The following LAMP1 variants were observed in gnomAD, a reference collection of about 807,000 sequenced individuals.
LAMP1 encodes the protein lysosome-associated membrane glycoprotein 1.
LAMP1 carries 7 observed loss-of-function variants against 37.5 expected under a neutral mutation model. The observed-to-expected ratio is 0.19, with a 90% CI of 0.11 to 0.35. The LOEUF (loss-of-function observed/expected upper bound fraction) is 0.35. Among genes scored for constraint, LAMP1 ranks in the 10% least tolerant of loss-of-function variants. The pLI is 1.00. For missense variants in LAMP1, 537 were observed against 552.8 expected (o/e 0.97, Z 0.29); for synonymous variants, 236 against 229.1 (o/e 1.03, Z -0.27).
At position 113,306,834 on chromosome 13, in the gene LAMP1, C is replaced by CTTTTTTTTTTTTTTT. The variant is rs780041684; in HGVS notation, c.183+237_183+251dup. Among the ~76,000 whole-genome samples the CTTTTTTTTTTTTTTT allele has an allele frequency of 9.7e-4, 78 of 80,160 alleles. 16 individuals are homozygous for CTTTTTTTTTTTTTTT. The highest frequency in any genetic ancestry group is 2.9e-3 in the South Asian group (5 of 1,730). The allele number at this position is 80,160 out of a possible 152,430, so 52.6% of individuals were successfully genotyped here. A position where few individuals can be genotyped will look rare whatever the true frequency, so the allele number is the denominator to read the frequency against. ...CTCACTGTTCATCATGAACATTTTC[C>CTTTTTTTTTTTTTTT]TTTTTTTTTTTTTTTTTTTTTTTGA... is the stretch of plus-strand genomic sequence containing the variant. On this transcript the variant is annotated intron_variant, in intron 2 of 8. Transcript: ENST00000332556.
chr13:113,299,390 G>C (rs71446689), intron 1 of LAMP1, among the ~76,000 whole-genome samples: 2 of 148,348 alleles, frequency 1.3e-5, no homozygotes, highest in South Asian at 2.2e-4. Flanking sequence ...TCAGCTTCCT[G>C]AGTAGCTGGG....
rs539001957 is a variant in LAMP1, at chr13:113,299,009, G to A, written c.61+1514G>A. On this transcript the variant is annotated intron_variant, in intron 1 of 8. Transcript: ENST00000332556. ...ACAAAAATTAGCTGGGCATGGTGGC[G>A]CACGCCTGTAATCCCAGCTACTTGG... is the stretch of plus-strand genomic sequence containing the variant. Among the ~76,000 whole-genome samples the A allele has an allele frequency of 3.9e-5, 6 of 152,228 alleles. No homozygotes were observed. In the South Asian group the frequency reaches 1.2e-3, roughly 32 times the overall value.
At chr13:113,302,310 G>C (rs551370242) in intron 1 of LAMP1, among the ~76,000 whole-genome samples, 48 of 151,764 alleles carry the variant, frequency 3.2e-4, no homozygotes, top group African/African-American at 9.7e-4. Context: ...TCAGCCTCCC[G>C]AGTAGCTGAG....
intron 1 of LAMP1, among the ~76,000 whole-genome samples, chr13:113,304,178 A>G (rs2139358121): frequency 6.6e-6 from 1 of 152,390 alleles, no homozygotes; most frequent in South Asian, 2.1e-4. Flanking sequence ...GCTTCGGGTC[A>G]GTGAAAAGTG....
chr13:113,315,189 G>A (rs1209570038), intron 4 of LAMP1, among the ~76,000 whole-genome samples: 3 of 139,526 alleles, frequency 2.2e-5, no homozygotes, highest in African/African-American at 5.4e-5. Context: ...CCCGGAGGGA[G>A]TCAGTGTGGA....
At position 113,321,645 on chromosome 13, in the gene LAMP1, C is replaced by A. The variant is rs759344932; in HGVS notation, c.1032C>A (p.Val344=). The A allele has an allele frequency of 6.2e-7, 1 of 1,614,238 alleles. No homozygotes were observed. Residue 344 remains valine, a synonymous_variant, in exon 8 of 9, where the codon GTC becomes GTA. Transcript: ENST00000332556. This position sits in a 1 kb window ranked among gnomAD's most constrained non-coding sequence, Gnocchi z 5.6. The part of the protein sequence containing the change: ...NSYKCNAEEH[V]RVTKAFSVNI... ...ACAAGTGCAACGCGGAGGAGCACGTCCGTGTCACGAAGGCGTTTTCAGTCA... is the reference window on the plus strand; with the variant it reads ...ACAAGTGCAACGCGGAGGAGCACGTACGTGTCACGAAGGCGTTTTCAGTCA...
intron 1 of LAMP1, chr13:113,305,884 A>G (rs918691106): frequency 6.6e-6 from 1 of 152,362 alleles, no homozygotes; most frequent in African/African-American, 2.4e-5. Context: ...ATGATGCAGA[A>G]ATTGACATGT....
At chr13:113,306,351 C>G (rs1449444146) in intron 1 of LAMP1, 134 bp from the exon 2 acceptor site, 2 of 804,276 alleles carry the variant, frequency 2.5e-6, no homozygotes, top group Admixed American at 7.9e-5. Context: ...GAGACTCCGT[C>G]TCAAAAAAAA....
rs1349097091 is a variant in LAMP1, at chr13:113,321,964, A to G, written c.1114+237A>G. 1.7e-6 allele frequency: 1 copy of G among 593,048 alleles called. No homozygotes were observed. Among genetic ancestry groups the G allele is most frequent in the Non-Finnish European group, 3.0e-6 (1 of 336,412 alleles). The allele number at this position is 593,048 out of a possible 1,614,324, so 36.7% of individuals were successfully genotyped here. A position where few individuals can be genotyped will look rare whatever the true frequency, so the allele number is the denominator to read the frequency against. ...TTGAGAGTAAGGGAATCATTTTAAG[A>G]AACAGTGGTGGCGCTTCTCCCATGA... On this transcript the variant is annotated intron_variant, in intron 8 of 8. Transcript: ENST00000332556. This position sits in a 1 kb window ranked among gnomAD's most constrained non-coding sequence, Gnocchi z 5.6.
chr13:113,323,236 G>A lies in LAMP1; in HGVS notation c.*815G>A, dbSNP rs1424200561. ...CACTTTTTTAAATATAAAAATGGGTGTTATTTTTATTTTTATTTGTAAAGT... is the reference window on the plus strand; with the variant it reads ...CACTTTTTTAAATATAAAAATGGGTATTATTTTTATTTTTATTTGTAAAGT... On this transcript the variant is annotated 3_prime_UTR_variant, in exon 9 of 9. Coordinates refer to ENST00000332556, the MANE Select transcript of LAMP1 (RefSeq NM_005561.4). 6.6e-6 allele frequency: 1 copy of A among 150,672 alleles called. No homozygotes were observed. The highest frequency in any genetic ancestry group is 2.5e-5 in the African/African-American group (1 of 40,182). 9.3% of individuals were successfully genotyped at this position (150,672 alleles called of 1,614,324 possible).
Position 113,323,382 on chromosome 13 carries a change from G to T in LAMP1, c.*961G>T, listed in dbSNP as rs546510380. 1 of 152,092 alleles carries T rather than the reference G, an allele frequency of 6.6e-6. No individual in the cohort carries two copies. The highest frequency in any genetic ancestry group is 2.4e-5 in the African/African-American group (1 of 41,392). The allele number at this position is 152,092 out of a possible 1,614,324, so 9.4% of individuals were successfully genotyped here. A position where few individuals can be genotyped will look rare whatever the true frequency, so the allele number is the denominator to read the frequency against. On this transcript the variant is annotated 3_prime_UTR_variant, in exon 9 of 9. Coordinates refer to ENST00000332556, the MANE Select transcript of LAMP1 (RefSeq NM_005561.4). ...GGGATTGTACACGGGACCAGCTCAC[G>T]TAATGCATTGCCTGTAACAATGTAA... is the stretch of plus-strand genomic sequence containing the variant.
intron 1 of LAMP1, among the ~76,000 whole-genome samples, chr13:113,300,440 C>G (rs1437284890): frequency 6.9e-6 from 1 of 144,350 alleles, no homozygotes; most frequent in African/African-American, 2.6e-5. Flanking sequence ...GAGCTGAGAT[C>G]GTGCCATTGC....
Position 113,309,625 on chromosome 13 carries a change from T to G in LAMP1, c.184-18T>G. 3 of 1,586,834 alleles carry G rather than the reference T, an allele frequency of 1.9e-6. No individual in the cohort carries two copies. The highest frequency in any genetic ancestry group is 2.6e-6 in the Non-Finnish European group (3 of 1,158,900). Reference sequence around the variant, plus strand: ...ACCTGCATCCCAATTGGGTTACATTTAATTGTGTTTATTCTAGAACATGAC... The same window carrying G: ...ACCTGCATCCCAATTGGGTTACATTGAATTGTGTTTATTCTAGAACATGAC... On this transcript the variant is annotated intron_variant, in intron 2 of 8. Coordinates refer to ENST00000332556, the MANE Select transcript of LAMP1 (RefSeq NM_005561.4).
intron 4 of LAMP1, among the ~76,000 whole-genome samples, chr13:113,316,901 G>C (rs1469422180): frequency 6.6e-6 from 1 of 151,712 alleles, no homozygotes; most frequent in Non-Finnish European, 1.5e-5. Context: ...ACTACCATCA[G>C]AAAGGCGGAG....
At position 113,321,829 on chromosome 13, in the gene LAMP1, T is replaced by G. The variant is rs569456127; in HGVS notation, c.1114+102T>G. ...TCCGTGTGGGCTGGGGCGACGCCCC[T>G]GTTCCTCTGCAAGGAGCTGTTTCTT... is the stretch of plus-strand genomic sequence containing the variant. On this transcript the variant is annotated intron_variant, in intron 8 of 8. Coordinates refer to ENST00000332556, the MANE Select transcript of LAMP1 (RefSeq NM_005561.4). This position sits in a 1 kb window ranked among gnomAD's most constrained non-coding sequence, Gnocchi z 5.6. 1.7e-6 allele frequency: 2 copies of G among 1,165,664 alleles called. No homozygotes were observed. Among genetic ancestry groups the G allele is most frequent in the Admixed American group, 4.1e-5 (2 of 48,294 alleles). The allele number at this position is 1,165,664 out of a possible 1,614,324, so 72.2% of individuals were successfully genotyped here.
intron 1 of LAMP1, among the ~76,000 whole-genome samples, chr13:113,301,716 T>C (rs1013347939): frequency 8.2e-5 from 12 of 146,506 alleles, no homozygotes; most frequent in Non-Finnish European, 1.6e-4. Flanking sequence ...CACTTATACC[T>C]TGCCTCTAGA....
intron 5 of LAMP1, 63 bp downstream of exon 5, chr13:113,319,719 T>C: frequency 6.8e-7 from 1 of 1,477,784 alleles, no homozygotes; most frequent in Non-Finnish European, 9.3e-7. Context: ...CTCTGCTCCC[T>C]GTGCACTGAG....
chr13:113,319,778 CT>C (rs2042687375), intron 5 of LAMP1, 122 bp downstream of exon 5: 1 of 940,180 alleles, frequency 1.1e-6, no homozygotes, highest in African/African-American at 1.6e-5. Flanking sequence ...GGGAGCTTAG[CT>C]TGCAGGACGT....
In LAMP1 at chr13:113,310,747, G is replaced by A; in HGVS notation, c.442G>A (p.Asp148Asn). Residue 148 changes from aspartate (D) to asparagine (N), a missense_variant, in exon 4 of 9, where the codon GAT (aspartate) becomes AAT (asparagine). By Grantham distance (23) the Asp-to-Asn change is conservative (BLOSUM62 1). Transcript: ENST00000332556. ...TVESITDIRA[D>N]IDKKYRCVSG... is the part of the protein sequence containing the mutation. Reference sequence around the variant, plus strand: ...GGAATCTATAACTGACATCAGGGCAGATATAGATAAAAAATACAGATGTGT... The same window carrying A: ...GGAATCTATAACTGACATCAGGGCAAATATAGATAAAAAATACAGATGTGT... 1 of 1,612,814 alleles carries A rather than the reference G, an allele frequency of 6.2e-7. No individual in the cohort carries two copies. The highest frequency in any genetic ancestry group is 8.5e-7 in the Non-Finnish European group (1 of 1,179,484).
Sources: allele counts gnomAD v4.1 joint callset (sites outside exome capture counted in the v4.1 genomes callset), GRCh38; gene constraint gnomAD v4.1.1; non-coding constraint Gnocchi (gnomAD v3.1); transcripts MANE v1.5; gene names NCBI Gene and HGNC (gene_info 2026-07-23, HGNC 2026-07-21).